FAR2: variants seen among roughly 807,000 people sequenced by gnomAD.
The protein encoded by FAR2 is epididymis secretory protein Li 81.
A neutral mutation model predicts 56.0 loss-of-function variants in FAR2; 19 were observed. That is an observed-to-expected ratio of 0.34 (90% CI 0.24 to 0.50). The LOEUF is 0.50. Ranked by LOEUF, FAR2 falls within the 20% of genes least tolerant of loss-of-function variation. FAR2 has a pLI of 0.98. For missense variants in FAR2, 508 were observed against 642.2 expected (o/e 0.79, Z 2.26); for synonymous variants, 219 against 218.8 (o/e 1.00, Z -0.01).
intron 1 of FAR2, among the ~76,000 whole-genome samples, chr12:29,215,154 C>T (rs1947607806): frequency 6.6e-6 from 1 of 152,202 alleles, no homozygotes; most frequent in African/African-American, 2.4e-5. Context: ...TAATGAGAGA[C>T]AGCTCATGTA....
chr12:29,299,547 T>C (rs557769538), intron 4 of FAR2, among the ~76,000 whole-genome samples: 1 of 152,342 alleles, frequency 6.6e-6, no homozygotes, highest in South Asian at 2.1e-4. Flanking sequence ...ATAACAATTA[T>C]TTAAGCAACT....
intron 1 of FAR2, among the ~76,000 whole-genome samples, chr12:29,261,022 C>A (rs955646115): frequency 6.6e-6 from 1 of 152,106 alleles, no homozygotes; most frequent in African/African-American, 2.4e-5. Context: ...AAAGCCTTCC[C>A]AAGAAGGATT....
At chr12:29,253,529 C>G (rs1361471850) in intron 1 of FAR2, among the ~76,000 whole-genome samples, 5 of 151,816 alleles carry the variant, frequency 3.3e-5, no homozygotes, top group Non-Finnish European at 7.4e-5. Context: ...CAATGATAAT[C>G]TATTTGAAAA....
Position 29,311,163 on chromosome 12 carries a change from G to T in FAR2, c.887+17G>T, listed in dbSNP as rs764092788. ...AGTTCACAGGTGTGGATGCTCAAGT[G>T]GGCTTTCAAAGACTTCATGAGGGGC... On this transcript the variant is annotated intron_variant, in intron 7 of 11. Coordinates refer to ENST00000536681, the MANE Select transcript of FAR2 (RefSeq NM_001271783.2). 2 of 1,576,214 alleles carry T rather than the reference G, an allele frequency of 1.3e-6. No individual in the cohort carries two copies. Among genetic ancestry groups the T allele is most frequent in the African/African-American group, 2.7e-5 (2 of 74,122 alleles).
intron 1 of FAR2, among the ~76,000 whole-genome samples, chr12:29,182,579 C>T (rs1950001937): frequency 1.3e-5 from 2 of 152,184 alleles, no homozygotes; most frequent in Non-Finnish European, 1.5e-5. Context: ...GAAAAGTTCT[C>T]CAAGTCCCCA....
intron 1 of FAR2, among the ~76,000 whole-genome samples, chr12:29,242,858 T>A (rs968295450): frequency 2.0e-5 from 3 of 152,236 alleles, no homozygotes; most frequent in African/African-American, 7.2e-5. Context: ...CTGCTTCTTG[T>A]GTGGCCCATT....
intron 9 of FAR2, among the ~76,000 whole-genome samples, chr12:29,318,728 A>C (rs1424247059): frequency 6.6e-6 from 1 of 152,164 alleles, no homozygotes; most frequent in African/African-American, 2.4e-5. Context: ...AACTTTTTCC[A>C]CTAATTTTCC....
At chr12:29,262,741 G>C (rs1487969015) in intron 1 of FAR2, among the ~76,000 whole-genome samples, 1 of 151,952 alleles carries the variant, frequency 6.6e-6, no homozygotes, top group Non-Finnish European at 1.5e-5. Context: ...AGGAAGAGAA[G>C]ACCACAAAAC....
chr12:29,174,669 C>G (rs1949920209), intron 1 of FAR2, among the ~76,000 whole-genome samples: 1 of 152,062 alleles, frequency 6.6e-6, no homozygotes, highest in Non-Finnish European at 1.5e-5. Flanking sequence ...ATCCACCCAC[C>G]TTGGCCTCTC....
chr12:29,275,169 C>T (rs1021106745), intron 2 of FAR2, among the ~76,000 whole-genome samples: 3 of 151,148 alleles, frequency 2.0e-5, no homozygotes, highest in Non-Finnish European at 4.4e-5. Flanking sequence ...AGAGAGTCAG[C>T]GAAGGGAGAC....
intron 4 of FAR2, among the ~76,000 whole-genome samples, chr12:29,298,281 C>T (rs1202929628): frequency 7.9e-6 from 1 of 125,800 alleles, no homozygotes; most frequent in African/African-American, 3.5e-5. Context: ...CTCCATTTTA[C>T]TAAGTTTACC....
intron 1 of FAR2, among the ~76,000 whole-genome samples, chr12:29,198,346 A>G (rs1459506963): frequency 6.6e-6 from 1 of 152,180 alleles, no homozygotes; most frequent in East Asian, 1.9e-4. Context: ...CTCCTGCCTC[A>G]GCCTCCGGAG....
Position 29,334,698 on chromosome 12 carries a change from C to T in FAR2, c.*904C>T, listed in dbSNP as rs890475352. Reference sequence around the variant, plus strand: ...ATCTTTGCCACTGAGCAAAACAAAACTTCAAATGAACTTTTAAACTGTAGC... The same window carrying T: ...ATCTTTGCCACTGAGCAAAACAAAATTTCAAATGAACTTTTAAACTGTAGC... On this transcript the variant is annotated 3_prime_UTR_variant, in exon 12 of 12. Transcript: ENST00000536681. The T allele has an allele frequency of 6.6e-6, 1 of 152,066 alleles. No homozygotes were observed. Among genetic ancestry groups the T allele is most frequent in the African/African-American group, 2.4e-5 (1 of 41,410 alleles). The allele number at this position is 152,066 out of a possible 1,614,324, so 9.4% of individuals were successfully genotyped here.
intron 1 of FAR2, among the ~76,000 whole-genome samples, chr12:29,192,739 A>C (rs896792802): frequency 1.2e-4 from 18 of 152,228 alleles, no homozygotes; most frequent in African/African-American, 3.9e-4. Flanking sequence ...TTGTGCATGA[A>C]ATACCAACAT....
intron 2 of FAR2, among the ~76,000 whole-genome samples, chr12:29,290,838 G>A (rs2136746420): frequency 1.3e-5 from 2 of 152,256 alleles, no homozygotes; most frequent in Middle Eastern, 3.4e-3. Context: ...GTAGAAGGAT[G>A]GTTACCAGAG....
At chr12:29,297,235 T>C in intron 4 of FAR2, 35 bp downstream of exon 4, 1 of 1,563,048 alleles carries the variant, frequency 6.4e-7, no homozygotes, top group South Asian at 1.2e-5. Flanking sequence ...AAGGGGCGGG[T>C]AGAATAAGTT....
At chr12:29,151,959 C>T (rs973682169) in intron 1 of FAR2, 1 of 152,184 alleles carries the variant, frequency 6.6e-6, no homozygotes, top group Non-Finnish European at 1.5e-5. Context: ...TCAGAAGTAG[C>T]TTGAGGAAGG....
chr12:29,167,164 T>C (rs1409214920), intron 1 of FAR2, among the ~76,000 whole-genome samples: 1 of 152,238 alleles, frequency 6.6e-6, no homozygotes, highest in Non-Finnish European at 1.5e-5. Flanking sequence ...CTATCCCCAT[T>C]GGATACTCTG....
chr12:29,333,626 C>T lies in FAR2; in HGVS notation c.1386-6C>T. The T allele has an allele frequency of 6.2e-7, 1 of 1,611,138 alleles. No individual in the cohort carries two copies. Among genetic ancestry groups the T allele is most frequent in the South Asian group, 1.1e-5 (1 of 90,520 alleles). On this transcript the variant is annotated splice_polypyrimidine_tract_variant and splice_region_variant and intron_variant, in intron 11 of 11. Transcript: ENST00000536681. ...TTAACTTTGGTTATGTCTGTCTGTTCCCTAGGCTCCGAAATATTCACTACC... is the reference window on the plus strand; with the variant it reads ...TTAACTTTGGTTATGTCTGTCTGTTTCCTAGGCTCCGAAATATTCACTACC...
Sources: allele counts gnomAD v4.1 joint callset (sites outside exome capture counted in the v4.1 genomes callset), GRCh38; gene constraint gnomAD v4.1.1; transcripts MANE v1.5; gene names NCBI Gene and HGNC (gene_info 2026-07-23, HGNC 2026-07-21).